The following ARFGEF1 variants were observed in gnomAD, a reference collection of about 807,000 sequenced individuals.
The protein encoded by ARFGEF1 is ARF guanine nucleotide exchange factor 1.
Under a neutral mutation model 231.0 loss-of-function variants are expected in ARFGEF1, and 42 were observed. The observed-to-expected ratio is 0.18, with a 90% CI of 0.14 to 0.24. The LOEUF (loss-of-function observed/expected upper bound fraction) is 0.24, where lower values mean the gene tolerates loss of function less well. Ranked by LOEUF, ARFGEF1 falls within the 10% of genes least tolerant of loss-of-function variation. The pLI, the probability that ARFGEF1 is intolerant of heterozygous loss-of-function variation, is 1.00. For synonymous variants in ARFGEF1, 710 were observed against 732.3 expected (o/e 0.97, Z 0.49); for missense variants, 1,345 against 2,192.0 (o/e 0.61, Z 7.72).
At chr8:67,201,647 T>A (rs760592915) in intron 36 of ARFGEF1, 42 bp from the exon 37 acceptor site, 37 of 1,611,308 alleles carry the variant, frequency 2.3e-5, no homozygotes, top group Non-Finnish European at 3.1e-5. Context: ...TGGGAAGGCA[T>A]CTTATGTAAA....
intron 9 of ARFGEF1, among the ~76,000 whole-genome samples, chr8:67,273,695 T>C (rs1805196747): frequency 6.6e-6 from 1 of 152,140 alleles, no homozygotes; most frequent in Non-Finnish European, 1.5e-5. Flanking sequence ...GCCATTGTGC[T>C]GAGTCTTCCT....
intron 34 of ARFGEF1, among the ~76,000 whole-genome samples, chr8:67,208,413 T>C (rs1240489692): frequency 2.0e-5 from 3 of 152,122 alleles, no homozygotes; most frequent in Admixed American, 6.5e-5. Flanking sequence ...GTGGATCACT[T>C]GAGGCCCAGA....
intron 1 of ARFGEF1, among the ~76,000 whole-genome samples, chr8:67,310,225 AGCCTGCCGAGT>A (rs1806936571): frequency 6.6e-6 from 1 of 150,966 alleles, no homozygotes; most frequent in Non-Finnish European, 1.5e-5. Flanking sequence ...CTCCTGCCTC[AGCCTGCCGAGT>A]GCCTGCGATT....
intron 1 of ARFGEF1, among the ~76,000 whole-genome samples, chr8:67,318,238 A>AG (rs1491582577): frequency 2.2e-5 from 3 of 137,262 alleles, no homozygotes; most frequent in African/African-American, 5.5e-5. Flanking sequence ...CTCCGTCTCA[A>AG]GAAAAAAAAA....
intron 7 of ARFGEF1, among the ~76,000 whole-genome samples, chr8:67,282,139 CT>C (rs1805561362): frequency 6.6e-6 from 1 of 151,550 alleles, no homozygotes. Context: ...AAATTAAAAA[CT>C]AAAAAAAATT....
downstream of ARFGEF1, chr8:67,193,340 G>C (rs190196303): frequency 4.7e-4 from 328 of 692,036 alleles, no homozygotes; most frequent in African/African-American, 5.4e-3. Flanking sequence ...CAGGTGATCT[G>C]CCCACCTCGG....
downstream of ARFGEF1, among the ~76,000 whole-genome samples, chr8:67,195,193 C>G (rs909177392): frequency 2.0e-5 from 3 of 152,042 alleles, no homozygotes; most frequent in African/African-American, 7.2e-5. Flanking sequence ...CCTTTGTGGG[C>G]CCACTCTCCT....
chr8:67,260,534 C>T (rs1163034689), intron 14 of ARFGEF1, among the ~76,000 whole-genome samples: 2 of 152,104 alleles, frequency 1.3e-5, no homozygotes, highest in Non-Finnish European at 2.9e-5. Flanking sequence ...TGACACAAAC[C>T]ACGTCCATAT....
intron 1 of ARFGEF1, among the ~76,000 whole-genome samples, chr8:67,316,822 A>G (rs770612767): frequency 5.3e-5 from 8 of 152,272 alleles, no homozygotes; most frequent in South Asian, 2.1e-4. Context: ...GGGAGCCTCT[A>G]AACCCTTGAC....
intron 5 of ARFGEF1, among the ~76,000 whole-genome samples, chr8:67,191,767 A>G (rs1199246621): frequency 1.3e-5 from 2 of 152,186 alleles, no homozygotes; most frequent in East Asian, 3.8e-4. Flanking sequence ...GAATATATAT[A>G]CCTAGAAGGA....
Position 67,247,072 on chromosome 8 carries a change from A to G in ARFGEF1, c.2850+4227T>C, listed in dbSNP as rs1336941593. Among the ~76,000 whole-genome samples, 4 of 150,442 alleles carry G rather than the reference A, an allele frequency of 2.7e-5. No individual in the cohort carries two copies. The East Asian group carries it at 7.7e-4, about 29-fold the overall frequency. ...AGAAATTCAAAACCTGAACAGACCA[A>G]TAACAAGCAATGAGATCAAAGCCAT... On this transcript the variant is annotated intron_variant, in intron 19 of 38. Transcript: ENST00000262215.
chr8:67,185,303 G>C (rs879908006), intron 5 of ARFGEF1, among the ~76,000 whole-genome samples: 3 of 152,110 alleles, frequency 2.0e-5, no homozygotes, highest in Non-Finnish European at 4.4e-5. Context: ...CTATCTTTTC[G>C]GTTGTGAACT....
intron 5 of ARFGEF1, among the ~76,000 whole-genome samples, chr8:67,182,721 C>G (rs536867670): frequency 4.3e-4 from 66 of 152,290 alleles, no homozygotes; most frequent in Middle Eastern, 6.8e-3. Flanking sequence ...ACTTACATTT[C>G]TGTAATAATT....
At chr8:67,334,136 C>CAAAAA (rs368714166) in intron 1 of ARFGEF1, among the ~76,000 whole-genome samples, 21 of 43,502 alleles carry the variant, frequency 4.8e-4, no homozygotes, top group Non-Finnish European at 6.7e-4. Flanking sequence ...AACTCCGTCT[C>CAAAAA]AAAAAAAAAA....
chr8:67,240,051 T>C (rs1839883619), intron 20 of ARFGEF1, 111 bp downstream of exon 20: 3 of 1,409,794 alleles, frequency 2.1e-6, no homozygotes, highest in Non-Finnish European at 2.9e-6. Flanking sequence ...CATCATAAAC[T>C]TGAAATTAGT....
chr8:67,177,820 C>T, intron 5 of ARFGEF1: 1 of 886,090 alleles, frequency 1.1e-6, no homozygotes, highest in East Asian at 2.4e-5. Flanking sequence ...TTGAATTATT[C>T]AGGAATATTG....
chr8:67,304,843 G>A (rs762696945), intron 1 of ARFGEF1, among the ~76,000 whole-genome samples: 5 of 152,114 alleles, frequency 3.3e-5, no homozygotes, highest in Non-Finnish European at 7.4e-5. Context: ...TAAAATAAAT[G>A]TATGGATAAG....
intron 23 of ARFGEF1, 123 bp downstream of exon 23, chr8:67,232,732 A>T: frequency 1.3e-6 from 1 of 752,734 alleles, no homozygotes; most frequent in East Asian, 2.9e-5. Context: ...GCATATCACA[A>T]TATAATTTTA....
intron 33 of ARFGEF1, among the ~76,000 whole-genome samples, chr8:67,215,015 A>C (rs1026484793): frequency 1.3e-5 from 2 of 152,192 alleles, no homozygotes; most frequent in Non-Finnish European, 2.9e-5. Context: ...GTCCCTGCTA[A>C]GTTTCAACCT....
Sources: gnomAD v4.1 joint callset for allele counts (sites outside exome capture counted in the v4.1 genomes callset) on GRCh38, gnomAD v4.1.1 for gene constraint, MANE v1.5 for transcripts, NCBI Gene and HGNC (gene_info 2026-07-23, HGNC 2026-07-21) for gene names.